Variants in ERGIC2 observed in about 807,000 individuals in gnomAD.
The protein encoded by ERGIC2 is ERGIC and golgi 2.
In ERGIC2, 31 loss-of-function variants were observed where a neutral mutation model predicts 52.5. That is an observed-to-expected ratio of 0.59 (90% CI 0.44 to 0.80). The LOEUF is 0.80. Ranked by LOEUF, ERGIC2 falls within the 30% of genes least tolerant of loss-of-function variation. The probability of loss-of-function intolerance (pLI) is 0.00; values close to 1 mark genes in which losing one functional copy is unlikely to be tolerated. For missense variants in ERGIC2, 395 were observed against 455.2 expected (o/e 0.87, Z 1.20); for synonymous variants, 129 against 140.6 (o/e 0.92, Z 0.58).
chr12:29,345,181 A>G (rs1050614384), intron 11 of ERGIC2, among the ~76,000 whole-genome samples: 2 of 152,222 alleles, frequency 1.3e-5, no homozygotes, highest in African/African-American at 4.8e-5. Context: ...GGCCATCACA[A>G]TTTAACAATT....
At chr12:29,345,844 G>T (rs986406664) in intron 10 of ERGIC2, among the ~76,000 whole-genome samples, 1 of 152,114 alleles carries the variant, frequency 6.6e-6, no homozygotes, top group African/African-American at 2.4e-5. Context: ...CTGTTCAGGA[G>T]GCTGAGGCAG....
chr12:29,375,612 A>G (rs1304137284), intron 1 of ERGIC2, among the ~76,000 whole-genome samples: 1 of 152,238 alleles, frequency 6.6e-6, no homozygotes, highest in Non-Finnish European at 1.5e-5. Context: ...TTATATTTGT[A>G]TAATGAGCTT....
At position 29,357,713 on chromosome 12, in the gene ERGIC2, AGCT is replaced by A. The variant is rs773158628; in HGVS notation, c.383_385del (p.Gln128del). Reference sequence around the variant, plus strand: ...CTCTTCTTGTAGCCTACTCTGAATCAGCTGCAGCATCCTAAATAAGAAGCAATA... The same window carrying A: ...CTCTTCTTGTAGCCTACTCTGAATCAGCAGCATCCTAAATAAGAAGCAATA... On this transcript the variant is annotated inframe_deletion, in exon 7 of 14. Transcript: ENST00000360150. 1 of 1,593,806 alleles carries A rather than the reference AGCT, an allele frequency of 6.3e-7. No homozygotes were observed. The highest frequency in any genetic ancestry group is 8.6e-7 in the Non-Finnish European group (1 of 1,162,244).
At chr12:29,342,741 TA>T (rs1298282822) in intron 12 of ERGIC2, among the ~76,000 whole-genome samples, 1 of 152,206 alleles carries the variant, frequency 6.6e-6, no homozygotes, top group Non-Finnish European at 1.5e-5. Context: ...TTTTCATATT[TA>T]ATCCTATAGC....
intron 5 of ERGIC2, 58 bp from the exon 6 acceptor site, chr12:29,361,743 A>C: frequency 7.1e-7 from 1 of 1,415,898 alleles, no homozygotes. Flanking sequence ...CTTTTACATC[A>C]TAATTTAAAA....
At position 29,340,515 on chromosome 12, in the gene ERGIC2, ACT is replaced by A. The variant is rs1292251092; in HGVS notation, c.*639_*640del. ...TGAGAATTTACCTTAGTCTTCTAAG[ACT>A]CTATCTTCAACAGTTAGATAAGTCA... On this transcript the variant is annotated 3_prime_UTR_variant, in exon 14 of 14. Transcript: ENST00000360150. 5.7e-6 allele frequency: 1 copy of A among 175,042 alleles called. No homozygotes were observed. Among genetic ancestry groups the A allele is most frequent in the Non-Finnish European group, 1.2e-5 (1 of 83,512 alleles). The allele number at this position is 175,042 out of a possible 1,614,324, so 10.8% of individuals were successfully genotyped here. A position where few individuals can be genotyped will look rare whatever the true frequency, so the allele number is the denominator to read the frequency against.
At chr12:29,350,822 G>A (rs910351238) in intron 8 of ERGIC2, among the ~76,000 whole-genome samples, 22 of 152,014 alleles carry the variant, frequency 1.4e-4, no homozygotes, top group African/African-American at 5.3e-4. Context: ...CCAGATCCTT[G>A]CTTTAACTTT....
rs1264897998 is a variant in ERGIC2 at position 29,337,777 on chromosome 12, C to T, written c.*3379G>A. On this transcript the variant is annotated 3_prime_UTR_variant, in exon 14 of 14. Coordinates refer to ENST00000360150, the MANE Select transcript of ERGIC2 (RefSeq NM_016570.3). ...TAGGCATTTTGAATTCAAGTGTAAG[C>T]TCTGAATTTTCAAGGAGTTTCATAT... The T allele has an allele frequency of 5.9e-5, 9 of 152,146 alleles. No homozygotes were observed. The highest frequency in any genetic ancestry group is 5.9e-4 in the Admixed American group (9 of 15,276). 9.4% of individuals were successfully genotyped at this position (152,146 alleles called of 1,614,324 possible).
At chr12:29,377,177 A>T (rs2136884907) in intron 1 of ERGIC2, among the ~76,000 whole-genome samples, 1 of 152,280 alleles carries the variant, frequency 6.6e-6, no homozygotes, top group South Asian at 2.1e-4. Flanking sequence ...TGCTATTCAT[A>T]CCTTGACAAT....
At chr12:29,343,332 G>A (rs1949852604) in intron 11 of ERGIC2, 50 bp from the exon 12 acceptor site, 3 of 1,448,928 alleles carry the variant, frequency 2.1e-6, no homozygotes, top group South Asian at 1.3e-5. Flanking sequence ...GAGAGAAACA[G>A]AATTCATGTC....
chr12:29,344,543 T>C (rs1318035918), intron 11 of ERGIC2, among the ~76,000 whole-genome samples: 3 of 152,140 alleles, frequency 2.0e-5, no homozygotes, highest in African/African-American at 7.2e-5. Context: ...TGTGAGTGTA[T>C]ATACACACAT....
At chr12:29,376,341 C>T (rs1003048170) in intron 1 of ERGIC2, among the ~76,000 whole-genome samples, 1 of 152,172 alleles carries the variant, frequency 6.6e-6, no homozygotes, top group African/African-American at 2.4e-5. Context: ...ATTCCACTAA[C>T]ATCTGAATAT....
At chr12:29,366,621 A>T (rs897519554) in intron 5 of ERGIC2, among the ~76,000 whole-genome samples, 2 of 151,876 alleles carry the variant, frequency 1.3e-5, no homozygotes, top group Non-Finnish European at 2.9e-5. Context: ...CAAAAATATT[A>T]AAAAAGGTTA....
intron 8 of ERGIC2, among the ~76,000 whole-genome samples, chr12:29,353,626 G>C (rs962127974): frequency 2.6e-5 from 4 of 151,942 alleles, no homozygotes; most frequent in Admixed American, 6.6e-5. Context: ...CAGATTTTCA[G>C]ATAAGGGATG....
intron 5 of ERGIC2, among the ~76,000 whole-genome samples, chr12:29,364,896 A>G (rs1940336504): frequency 6.6e-6 from 1 of 151,906 alleles, no homozygotes; most frequent in African/African-American, 2.4e-5. Flanking sequence ...TCAAAACCAC[A>G]ATGAGAGGCC....
At position 29,352,523 on chromosome 12, in the gene ERGIC2, C is replaced by T. The variant is rs530006333; in HGVS notation, c.573-2455G>A. 8.6e-5 allele frequency among the ~76,000 whole-genome samples: 13 copies of T among 151,960 alleles called. No individual in the cohort carries two copies. In the South Asian group the frequency reaches 2.7e-3, roughly 32 times the overall value. On this transcript the variant is annotated intron_variant, in intron 8 of 13. Transcript: ENST00000360150. ...ACTAAAAATACAAAAATTAGCCGGG[C>T]GTGGTGGTGGGCTACCTGTAATCCC...
At chr12:29,359,331 A>G (rs79537673) in intron 6 of ERGIC2, among the ~76,000 whole-genome samples, 1 of 152,012 alleles carries the variant, frequency 6.6e-6, no homozygotes, top group African/African-American at 2.4e-5. Context: ...CAACTTTTGA[A>G]GCATGGCAGT....
At chr12:29,371,408 C>A (rs1940437659) in intron 2 of ERGIC2, 120 bp downstream of exon 2, 3 of 625,476 alleles carry the variant, frequency 4.8e-6, no homozygotes, top group Admixed American at 6.7e-5. Context: ...AGACAAGTTA[C>A]GAAGTTACGG....
chr12:29,354,097 T>G (rs546729846), intron 8 of ERGIC2, among the ~76,000 whole-genome samples: 1 of 152,270 alleles, frequency 6.6e-6, no homozygotes, highest in East Asian at 1.9e-4. Flanking sequence ...GCAATGAAAT[T>G]GACAGTCTCA....
Sources: gnomAD v4.1 joint callset for allele counts (sites outside exome capture counted in the v4.1 genomes callset) on GRCh38, gnomAD v4.1.1 for gene constraint, MANE v1.5 for transcripts, NCBI Gene and HGNC (gene_info 2026-07-23, HGNC 2026-07-21) for gene names.